Variants in ANKAR observed in about 807,000 individuals in gnomAD.
ANKAR encodes the protein ankyrin and armadillo repeat-containing protein.
Under a neutral mutation model 146.2 loss-of-function variants are expected in ANKAR, and 136 were observed. That is an observed-to-expected ratio of 0.93 (90% confidence interval 0.81 to 1.07). The LOEUF is 1.07. Ranked by LOEUF, ANKAR falls within the 50% of genes least tolerant of loss-of-function variation. The pLI is 0.00. For synonymous variants in ANKAR, 500 were observed against 575.8 expected, an observed-to-expected ratio of 0.87 and a Z score of 1.88; for missense variants, 1,567 against 1,679.9, an observed-to-expected ratio of 0.93 and a Z score of 1.18.
At chr2:189,718,560 A>G (rs1249027603) in intron 10 of ANKAR, among the ~76,000 whole-genome samples, 1 of 152,202 alleles carries the variant, frequency 6.6e-6, no homozygotes, top group Non-Finnish European at 1.5e-5. Flanking sequence ...AAAGCTCTGT[A>G]TCCAAAAGGT....
chr2:189,680,724 G>A (rs558982391), intron 2 of ANKAR, among the ~76,000 whole-genome samples: 9 of 152,002 alleles, frequency 5.9e-5, no homozygotes, highest in South Asian at 2.1e-4. Flanking sequence ...TTTCATTTCC[G>A]TGTGTTTATA....
downstream of ANKAR, chr2:189,762,441 T>C (rs954801820): frequency 2.2e-5 from 7 of 322,460 alleles, no homozygotes; most frequent in Non-Finnish European, 3.1e-5. Flanking sequence ...CAGAAGGCAG[T>C]TGCGGGCAGT....
At chr2:189,715,638 AAG>A (rs996124274) in intron 10 of ANKAR, among the ~76,000 whole-genome samples, 4 of 152,338 alleles carry the variant, frequency 2.6e-5, no homozygotes, top group Admixed American at 2.0e-4. Context: ...CAAAACAAAA[AAG>A]AGAATTTTAG....
At position 189,683,018 on chromosome 2, in the gene ANKAR, C is replaced by G. The variant is rs186970491; in HGVS notation, c.601+5927C>G. Among the ~76,000 whole-genome samples, 130 of 152,290 alleles carry G rather than the reference C, an allele frequency of 8.5e-4. 2 individuals carry two copies. Among genetic ancestry groups the G allele is most frequent in the Admixed American group, 6.2e-3 (95 of 15,294 alleles). On this transcript the variant is annotated intron_variant, in intron 2 of 22. Transcript: ENST00000684021. ...GTGATTAGTTCATAAAGGCAGACCC[C>G]TCATGAATGGGATTAATGCCCTTAT...
At chr2:189,706,798 A>T (rs1014469957) in intron 8 of ANKAR, 140 bp from the exon 9 acceptor site, 1 of 615,772 alleles carries the variant, frequency 1.6e-6, no homozygotes, top group African/African-American at 1.9e-5. Context: ...ATTTACATGT[A>T]GAATACGGAA....
At chr2:189,701,559 T>C (rs1394770332) in intron 7 of ANKAR, among the ~76,000 whole-genome samples, 2 of 152,234 alleles carry the variant, frequency 1.3e-5, no homozygotes, top group Non-Finnish European at 2.9e-5. Flanking sequence ...TGATATATCT[T>C]CAGGATTAGA....
At chr2:189,713,968 T>G (rs961268481) in intron 10 of ANKAR, among the ~76,000 whole-genome samples, 60 of 152,156 alleles carry the variant, frequency 3.9e-4, no homozygotes, top group African/African-American at 1.4e-3. Flanking sequence ...GCCATCCTAG[T>G]CTCTGATAAA....
At chr2:189,678,870 A>C (rs545219842) in intron 2 of ANKAR, among the ~76,000 whole-genome samples, 1 of 152,004 alleles carries the variant, frequency 6.6e-6, no homozygotes, top group East Asian at 1.9e-4. Context: ...ATGCCTCCAG[A>C]TTTGTTCTTT....
In ANKAR at chr2:189,707,165, T is replaced by C. The variant is rs1462068940; in HGVS notation, c.2119+19T>C. 1 of 1,336,232 alleles carries C rather than the reference T, an allele frequency of 7.5e-7. No homozygotes were observed. Among genetic ancestry groups the C allele is most frequent in the Admixed American group, 2.6e-5 (1 of 38,198 alleles). The allele number at this position is 1,336,232 out of a possible 1,614,324, so 82.8% of individuals were successfully genotyped here. A position where few individuals can be genotyped will look rare whatever the true frequency, so the allele number is the denominator to read the frequency against. On this transcript the variant is annotated intron_variant, in intron 9 of 22. Transcript: ENST00000684021. The stretch of plus-strand genomic sequence containing the variant: ...TTGGTAGGTGAGTATAATCTCTTTA[T>C]AAATACATGTTCTGATTATTATTCA...
intron 8 of ANKAR, among the ~76,000 whole-genome samples, chr2:189,705,448 T>A (rs1487763978): frequency 1.3e-5 from 2 of 152,254 alleles, no homozygotes. Flanking sequence ...CATTAGAATT[T>A]ATAAAGGCGA....
Position 189,728,051 on chromosome 2 carries a change from C to G in ANKAR, c.2831C>G (p.Ala944Gly). 6.2e-7 allele frequency: 1 copy of G among 1,613,058 alleles called. No individual in the cohort carries two copies. Among genetic ancestry groups the G allele is most frequent in the Non-Finnish European group, 8.5e-7 (1 of 1,179,506 alleles). ...AGTCACAACGCTCTTATACAGAAAG[C>G]ATTTCTGGAAAAATCGTTAACTAAA... The part of the protein sequence containing the change: ...LASHNALIQK[A>G]FLEKSLTKYL... The change falls in exon 13 of 23, where the codon GCA becomes GGA. Residue 944 changes from alanine (A) to glycine (G), a missense_variant. Transcript: ENST00000684021.
chr2:189,751,570 G>A (rs989926261), downstream of ANKAR, among the ~76,000 whole-genome samples: 2 of 148,342 alleles, frequency 1.3e-5, no homozygotes, highest in African/African-American at 2.5e-5. Flanking sequence ...TCAGCCTCCC[G>A]AGTAGCTGCG....
Position 189,720,681 on chromosome 2 carries a change from A to G in ANKAR, c.2529A>G (p.Val843=), listed in dbSNP as rs1167178552. The change falls in exon 12 of 23, where the codon GTA becomes GTG. Residue 843 remains valine (V), a synonymous_variant. Transcript: ENST00000684021. ...NLNIENVLVN[V]MNCIRVLCIG... The stretch of plus-strand genomic sequence containing the variant: ...ACATAGAAAATGTGCTAGTAAATGT[A>G]ATGAACTGTATACGGGTATTGTGTA... 7.0e-7 allele frequency: 1 copy of G among 1,434,104 alleles called. No individual in the cohort carries two copies. The allele number at this position is 1,434,104 out of a possible 1,614,324, so 88.8% of individuals were successfully genotyped here.
chr2:189,693,234 G>A (rs937289482), intron 5 of ANKAR, 57 bp downstream of exon 5: 4 of 1,117,740 alleles, frequency 3.6e-6, no homozygotes, highest in Non-Finnish European at 1.3e-6. Context: ...CGTTAGTAGA[G>A]AACAAAGAAA....
intron 1 of ANKAR, 29 bp downstream of exon 1, chr2:189,674,859 C>T (rs2033245191): frequency 6.6e-6 from 1 of 152,378 alleles, no homozygotes; most frequent in African/African-American, 2.4e-5. Context: ...CTTGTTTTTT[C>T]CCCTTTCCCG....
At chr2:189,702,775 A>G (rs1458451899) in intron 7 of ANKAR, among the ~76,000 whole-genome samples, 2 of 152,194 alleles carry the variant, frequency 1.3e-5, no homozygotes, top group African/African-American at 4.8e-5. Flanking sequence ...GTAGGAGGAC[A>G]CTGGAAGTTT....
At chr2:189,729,715 T>TGTGTGTGTGTGTGTGTGTGTGTGTGTG (rs61101787) in intron 15 of ANKAR, among the ~76,000 whole-genome samples, 1 of 141,396 alleles carries the variant, frequency 7.1e-6, no homozygotes, top group Admixed American at 7.3e-5. Context: ...TGTGTGTGTG[T>TGTGTGTGTGTGTGTGTGTGTGTGTGTG]GGTGCGGGTG....
intron 17 of ANKAR, among the ~76,000 whole-genome samples, chr2:189,734,416 T>C (rs1420154283): frequency 6.6e-6 from 1 of 152,248 alleles, no homozygotes; most frequent in Non-Finnish European, 1.5e-5. Flanking sequence ...AAGATTTGTT[T>C]CTTTTCAATG....
At chr2:189,739,808 C>T (rs1241735815) in intron 19 of ANKAR, among the ~76,000 whole-genome samples, 2 of 152,000 alleles carry the variant, frequency 1.3e-5, no homozygotes, top group African/African-American at 4.8e-5. Flanking sequence ...ATGATCCGCC[C>T]GCCTCGGCCT....
Sources: gnomAD v4.1 joint callset for allele counts (sites outside exome capture counted in the v4.1 genomes callset) on GRCh38, gnomAD v4.1.1 for gene constraint, MANE v1.5 for transcripts, NCBI Gene and HGNC (gene_info 2026-07-23, HGNC 2026-07-21) for gene names.